The following TMEM135 variants were observed in gnomAD, a reference collection of about 807,000 sequenced individuals.
The protein encoded by TMEM135 is transmembrane protein 135, also known as peroxisomal membrane protein 52.
TMEM135 carries 30 observed loss-of-function variants against 60.3 expected under a neutral mutation model. That is an observed-to-expected ratio of 0.50 (90% confidence interval 0.37 to 0.68). The LOEUF is 0.68. Among genes scored for constraint, TMEM135 ranks in the 30% least tolerant of loss-of-function variants. TMEM135 has a pLI of 0.00. For missense variants in TMEM135, 468 were observed against 548.8 expected (o/e 0.85, Z 1.47); for synonymous variants, 190 against 186.7 (o/e 1.02, Z -0.14).
At chr11:87,040,088 G>T (rs1949737758) in intron 1 of TMEM135, among the ~76,000 whole-genome samples, 1 of 152,164 alleles carries the variant, frequency 6.6e-6, no homozygotes, top group African/African-American at 2.4e-5. Flanking sequence ...AATTTTGGTT[G>T]CTACTCCTCG....
At chr11:87,066,803 ACAGAGTCT>A (rs1856670157) in intron 1 of TMEM135, among the ~76,000 whole-genome samples, 1 of 130,782 alleles carries the variant, frequency 7.6e-6, no homozygotes, top group African/African-American at 3.0e-5. Context: ...TTTTTTTGAG[ACAGAGTCT>A]CACTCTGTTG....
intron 1 of TMEM135, among the ~76,000 whole-genome samples, chr11:87,063,475 G>T (rs914525576): frequency 1.3e-5 from 2 of 152,228 alleles, no homozygotes; most frequent in African/African-American, 2.4e-5. Context: ...ATACATGAGT[G>T]CAAGTGCTAT....
chr11:87,220,371 C>G (rs1174563880), intron 5 of TMEM135, among the ~76,000 whole-genome samples: 3 of 152,180 alleles, frequency 2.0e-5, no homozygotes, highest in Admixed American at 2.0e-4. Context: ...TTTAGAAATA[C>G]TCTTCAGGAT....
chr11:87,151,682 G>T (rs1279227735), intron 4 of TMEM135, among the ~76,000 whole-genome samples: 1 of 149,368 alleles, frequency 6.7e-6, no homozygotes, highest in Non-Finnish European at 1.5e-5. Context: ...ACATCTTGTG[G>T]GTCTTTTTTC....
chr11:87,321,847 T>C lies in TMEM135; in HGVS notation c.*514T>C. On this transcript the variant is annotated 3_prime_UTR_variant, in exon 15 of 15. Coordinates refer to ENST00000305494, the MANE Select transcript of TMEM135 (RefSeq NM_022918.4). ...TGAAGTAACTCTCCACGGACAGTGC[T>C]GCTTTCGTGTAGAGCAATTTAATTG... 2.2e-6 allele frequency: 1 copy of C among 454,506 alleles called. No individual in the cohort carries two copies. The allele number at this position is 454,506 out of a possible 1,614,324, so 28.2% of individuals were successfully genotyped here. A position where few individuals can be genotyped will look rare whatever the true frequency, so the allele number is the denominator to read the frequency against.
intron 5 of TMEM135, among the ~76,000 whole-genome samples, chr11:87,181,346 T>C (rs1939510373): frequency 6.6e-6 from 1 of 151,302 alleles, no homozygotes; most frequent in East Asian, 2.0e-4. Flanking sequence ...ATAGAAAAGG[T>C]ATAACAATTA....
intron 6 of TMEM135, among the ~76,000 whole-genome samples, chr11:87,288,649 G>T (rs1942210736): frequency 7.2e-6 from 1 of 139,726 alleles, no homozygotes; most frequent in African/African-American, 2.7e-5. Context: ...AGTTATTTAT[G>T]GTAGTCATTT....
chr11:87,325,582 CTTTATGTTAACTAGTCTCCTTGGACT>C lies in TMEM135; in HGVS notation c.*4251_*4276del, dbSNP rs1043225433. 6.6e-6 allele frequency: 3 copies of C among 453,802 alleles called. No individual in the cohort carries two copies. The highest frequency in any genetic ancestry group is 6.0e-5 in the African/African-American group (3 of 49,924). 28.1% of individuals were successfully genotyped at this position (453,802 alleles called of 1,614,324 possible). On this transcript the variant is annotated 3_prime_UTR_variant, in exon 15 of 15. Coordinates refer to ENST00000305494, the MANE Select transcript of TMEM135 (RefSeq NM_022918.4). ...GTCCATTCTCTGCTTGCTGGTGTTACTTTATGTTAACTAGTCTCCTTGGACTTCATTGCAACCTTTTAAGCCAGCCG... is the reference window on the plus strand; with the variant it reads ...GTCCATTCTCTGCTTGCTGGTGTTACTCATTGCAACCTTTTAAGCCAGCCG...
intron 6 of TMEM135, among the ~76,000 whole-genome samples, chr11:87,239,010 A>T (rs971173033): frequency 2.0e-5 from 3 of 152,068 alleles, no homozygotes; most frequent in African/African-American, 7.2e-5. Flanking sequence ...AAATACACCA[A>T]TAAAGACCCA....
chr11:87,194,331 T>G (rs1939883123), intron 5 of TMEM135, among the ~76,000 whole-genome samples: 1 of 152,208 alleles, frequency 6.6e-6, no homozygotes, highest in Non-Finnish European at 1.5e-5. Context: ...GCACTCTTAC[T>G]TATGCTAAAG....
intron 11 of TMEM135, 63 bp downstream of exon 11, chr11:87,313,551 A>G: frequency 2.3e-6 from 3 of 1,292,840 alleles, no homozygotes; most frequent in Non-Finnish European, 3.4e-6. Context: ...ATGAATTGGA[A>G]ATACCATCCA....
chr11:87,275,721 C>T (rs192198636), intron 6 of TMEM135, among the ~76,000 whole-genome samples: 5 of 152,100 alleles, frequency 3.3e-5, no homozygotes, highest in East Asian at 3.9e-4. Flanking sequence ...AGTACAGTGG[C>T]GCGATCTCAG....
intron 4 of TMEM135, among the ~76,000 whole-genome samples, chr11:87,146,522 C>A (rs670857): frequency 0.37 from 55,858 of 151,952 alleles, 10,806 homozygotes; most frequent in East Asian, 0.67. Flanking sequence ...GAGGCTACTT[C>A]CGTGTGTGAG....
chr11:87,087,521 T>C (rs1411071539), intron 3 of TMEM135, among the ~76,000 whole-genome samples: 1 of 152,226 alleles, frequency 6.6e-6, no homozygotes, highest in African/African-American at 2.4e-5. Context: ...GGTGAGAATT[T>C]AATGAGAAGT....
intron 5 of TMEM135, among the ~76,000 whole-genome samples, chr11:87,169,856 A>T (rs1356435882): frequency 6.6e-6 from 1 of 152,122 alleles, no homozygotes; most frequent in Non-Finnish European, 1.5e-5. Flanking sequence ...CTGTCTTGCT[A>T]AGTTGGGAAG....
chr11:87,270,885 GTTAACAATA>G (rs937581210), intron 6 of TMEM135, among the ~76,000 whole-genome samples: 36 of 152,004 alleles, frequency 2.4e-4, no homozygotes, highest in African/African-American at 8.0e-4. Context: ...TTTAAAAAAT[GTTAACAATA>G]TTTTCTAGTC....
intron 5 of TMEM135, among the ~76,000 whole-genome samples, chr11:87,185,343 C>G (rs532892696): frequency 3.3e-5 from 5 of 152,222 alleles, no homozygotes; most frequent in African/African-American, 1.2e-4. Flanking sequence ...GTTGGTTCCC[C>G]CCTCATCCCT....
intron 3 of TMEM135, among the ~76,000 whole-genome samples, chr11:87,077,659 A>C (rs902328535): frequency 6.6e-6 from 1 of 152,216 alleles, no homozygotes; most frequent in African/African-American, 2.4e-5. Flanking sequence ...ATTTGTTTTT[A>C]ATATATTCAC....
intron 4 of TMEM135, among the ~76,000 whole-genome samples, chr11:87,152,233 G>A (rs1036443330): frequency 6.6e-6 from 1 of 152,096 alleles, no homozygotes; most frequent in East Asian, 1.9e-4. Context: ...TTTGTGTTCT[G>A]TCTGTCCCTT....
Sources: gnomAD v4.1 joint callset for allele counts (sites outside exome capture counted in the v4.1 genomes callset) on GRCh38, gnomAD v4.1.1 for gene constraint, MANE v1.5 for transcripts, NCBI Gene and HGNC (gene_info 2026-07-23, HGNC 2026-07-21) for gene names.